Variants in BAZ2B observed in about 807,000 individuals in gnomAD.
BAZ2B encodes the protein bromodomain adjacent to zinc finger domain protein 2B.
BAZ2B carries 91 observed loss-of-function variants against 246.0 expected under a neutral mutation model. The ratio of observed to expected loss-of-function variants is 0.37; its 90% CI spans 0.31 to 0.44. The LOEUF (loss-of-function observed/expected upper bound fraction) is 0.44, where lower values mean the gene tolerates loss of function less well. BAZ2B is among the 20% of genes least tolerant of loss of function. BAZ2B has a pLI of 1.00. For missense variants in BAZ2B, 2,332 were observed against 2,533.7 expected (o/e 0.92, Z 1.71); for synonymous variants, 855 against 860.0 (o/e 0.99, Z 0.10).
chr2:159,559,360 T>G (rs1026934287), intron 1 of BAZ2B, among the ~76,000 whole-genome samples: 1 of 152,108 alleles, frequency 6.6e-6, no homozygotes, highest in Admixed American at 6.5e-5. Flanking sequence ...AATGCAAAAA[T>G]AGTCTTTTGA....
At chr2:159,390,274 G>A (rs1428009589) in intron 20 of BAZ2B, among the ~76,000 whole-genome samples, 1 of 151,976 alleles carries the variant, frequency 6.6e-6, no homozygotes, top group African/African-American at 2.4e-5. Context: ...ATCAAAATAA[G>A]GTCCAAGTCC....
chr2:159,674,839 A>T, the BAZ2B span, among the ~76,000 whole-genome samples: 3 of 152,186 alleles, frequency 2.0e-5, 1 homozygote, highest in South Asian at 6.2e-4. Flanking sequence ...AATCCAAATA[A>T]TTTCTGAACA....
At chr2:159,495,516 A>AT (rs754309258) in intron 2 of BAZ2B, among the ~76,000 whole-genome samples, 1 of 139,578 alleles carries the variant, frequency 7.2e-6, no homozygotes, top group Non-Finnish European at 1.6e-5. Context: ...AAAAAAAAAA[A>AT]TTTAATATGA....
chr2:159,509,528 T>C (rs1432211548), intron 2 of BAZ2B, among the ~76,000 whole-genome samples: 1 of 152,200 alleles, frequency 6.6e-6, no homozygotes, highest in African/African-American at 2.4e-5. Context: ...CTGTATGTGC[T>C]GAAGCCAGTA....
rs549227293 is a variant in BAZ2B at position 159,384,888 on chromosome 2, A to G, written c.3686+267T>C. 3.9e-5 allele frequency among the ~76,000 whole-genome samples: 6 copies of G among 152,282 alleles called. No individual in the cohort carries two copies. In the East Asian group the frequency reaches 7.7e-4, roughly 20 times the overall value. On this transcript the variant is annotated intron_variant, in intron 23 of 36. Coordinates refer to ENST00000392783, the MANE Select transcript of BAZ2B (RefSeq NM_013450.4). ...AATATAAAAAAAGTTATGTATAAAG[A>G]ATTAACAGAATTATTAAACAAAACA...
intron 9 of BAZ2B, among the ~76,000 whole-genome samples, chr2:159,432,086 TA>T (rs923423646): frequency 3.7e-4 from 57 of 152,132 alleles, no homozygotes; most frequent in African/African-American, 1.3e-3. Context: ...TATTAGCTGC[TA>T]AAAAAAATTA....
intron 7 of BAZ2B, 46 bp from the exon 8 acceptor site, chr2:159,438,741 A>G: frequency 1.3e-6 from 2 of 1,518,342 alleles, no homozygotes; most frequent in Non-Finnish European, 1.8e-6. Flanking sequence ...CTATTAAGAC[A>G]AAGACTATCA....
the BAZ2B span, among the ~76,000 whole-genome samples, chr2:159,710,471 G>A: frequency 1.3e-5 from 2 of 152,150 alleles, no homozygotes. Flanking sequence ...GCCTCCCAAA[G>A]TGCTGGGATT....
the BAZ2B span, among the ~76,000 whole-genome samples, chr2:159,687,969 G>A: frequency 6.6e-6 from 1 of 152,168 alleles, no homozygotes; most frequent in African/African-American, 2.4e-5. Context: ...AATGTTGTGA[G>A]TACAGGACAA....
At chr2:159,657,569 A>AT in the BAZ2B span, among the ~76,000 whole-genome samples, 1 of 152,198 alleles carries the variant, frequency 6.6e-6, no homozygotes, top group African/African-American at 2.4e-5. Flanking sequence ...ACATCTTGAC[A>AT]TAATAGACTC....
At chr2:159,549,406 A>G (rs2087817817) in intron 2 of BAZ2B, among the ~76,000 whole-genome samples, 1 of 152,236 alleles carries the variant, frequency 6.6e-6, no homozygotes, top group African/African-American at 2.4e-5. Context: ...TTCAAAGTCT[A>G]GACCACGTGT....
At chr2:159,662,691 A>AT in the BAZ2B span, among the ~76,000 whole-genome samples, 200 of 145,328 alleles carry the variant, frequency 1.4e-3, no homozygotes, top group East Asian at 7.9e-3. Context: ...TGCCCGGCTA[A>AT]TTTTTTTTTT....
intron 17 of BAZ2B, among the ~76,000 whole-genome samples, chr2:159,399,951 A>G (rs1007784053): frequency 6.6e-6 from 1 of 152,238 alleles, no homozygotes; most frequent in Admixed American, 6.5e-5. Flanking sequence ...TATACTGCAC[A>G]GCTCCAAAGA....
At position 159,400,658 on chromosome 2, in the gene BAZ2B, T is replaced by A; in HGVS notation, c.2839A>T (p.Ile947Phe). Reference protein sequence around the residue: ...QIKIMKQQEKIKRIQQIRMEK... With the variant: ...QIKIMKQQEKFKRIQQIRMEK... ...ATTCTGATTTGCTGTATTCTCTTAA[T>A]TTTTTCCTGTAGGAAAAGTTATGAT... is the stretch of plus-strand genomic sequence containing the variant. The change falls in exon 17 of 37, where the codon ATT becomes TTT. Residue 947 changes from isoleucine (I) to phenylalanine (F), a missense_variant. Physicochemically the swap from Ile to Phe is conservative, Grantham distance 21. This residue lies in a region of BAZ2B where 651 missense variants were observed against 650.9 expected (regional missense o/e 1.00). Coordinates refer to ENST00000392783, the MANE Select transcript of BAZ2B (RefSeq NM_013450.4). The A allele has an allele frequency of 1.3e-6, 2 of 1,554,158 alleles. No individual in the cohort carries two copies. Among genetic ancestry groups the A allele is most frequent in the Non-Finnish European group, 8.8e-7 (1 of 1,135,408 alleles).
chr2:159,551,777 G>T (rs186023050), intron 2 of BAZ2B, among the ~76,000 whole-genome samples: 231 of 152,268 alleles, frequency 1.5e-3, no homozygotes, highest in African/African-American at 4.9e-3. Context: ...GCAAAGTCAG[G>T]TTAGTCCAAG....
At chr2:159,320,473 AACAAATGAAG>A in intron 36 of BAZ2B, 55 bp from the exon 37 acceptor site, 2 of 1,437,440 alleles carry the variant, frequency 1.4e-6, no homozygotes, top group Non-Finnish European at 1.9e-6. Context: ...TTGTTTTGTA[AACAAATGAAG>A]AGTTAATAAA....
chr2:159,566,318 CAT>C (rs1682574883), intron 1 of BAZ2B, among the ~76,000 whole-genome samples: 1 of 152,012 alleles, frequency 6.6e-6, no homozygotes, highest in Non-Finnish European at 1.5e-5. Context: ...GCAATGTTGA[CAT>C]ATCTTATGAT....
chr2:159,561,779 G>T (rs2089904786), intron 1 of BAZ2B, among the ~76,000 whole-genome samples: 1 of 152,066 alleles, frequency 6.6e-6, no homozygotes, highest in Non-Finnish European at 1.5e-5. Context: ...AATTCTATTT[G>T]GTAGGATATG....
intron 2 of BAZ2B, among the ~76,000 whole-genome samples, chr2:159,526,618 A>G (rs1014440863): frequency 1.3e-5 from 2 of 152,198 alleles, no homozygotes; most frequent in African/African-American, 4.8e-5. Context: ...TTTTGTTTGC[A>G]CTTCTGTTTA....
Sources: gnomAD v4.1 joint callset for allele counts (sites outside exome capture counted in the v4.1 genomes callset) on GRCh38, gnomAD v4.1.1 for gene constraint, gnomAD v4.1.1 regional missense constraint, MANE v1.5 for transcripts, NCBI Gene and HGNC (gene_info 2026-07-23, HGNC 2026-07-21) for gene names.